USP13: variants seen among roughly 807,000 people sequenced by gnomAD.
USP13 encodes ubiquitin carboxyl-terminal hydrolase 13.
USP13 carries 68 observed loss-of-function variants against 107.8 expected under a neutral mutation model. The ratio of observed to expected loss-of-function variants is 0.63; its 90% CI spans 0.52 to 0.77. The LOEUF (loss-of-function observed/expected upper bound fraction) is 0.77. USP13 is among the 30% of genes least tolerant of loss of function. USP13 has a pLI of 0.00. For synonymous variants in USP13, 377 were observed against 389.5 expected (o/e 0.97, Z 0.38); for missense variants, 945 against 1,093.3 (o/e 0.86, Z 1.91).
At chr3:179,718,849 T>C (rs9867929) in intron 6 of USP13, among the ~76,000 whole-genome samples, 5,344 of 152,104 alleles carry the variant, frequency 0.035, 338 homozygotes, top group African/African-American at 0.12. Context: ...CTTCGCCTCC[T>C]GGGTTCACGC....
chr3:179,763,003 G>C (rs117606199), intron 17 of USP13, among the ~76,000 whole-genome samples: 1 of 152,056 alleles, frequency 6.6e-6, no homozygotes, highest in African/African-American at 2.4e-5. Flanking sequence ...ACAACTTTTC[G>C]TATGTTTATT....
At chr3:179,679,703 T>G (rs1311775717) in intron 1 of USP13, among the ~76,000 whole-genome samples, 1 of 152,084 alleles carries the variant, frequency 6.6e-6, no homozygotes. Flanking sequence ...TATTATGTGC[T>G]TTGAAATGTG....
chr3:179,674,465 A>T (rs1720836201), intron 1 of USP13, among the ~76,000 whole-genome samples: 2 of 152,148 alleles, frequency 1.3e-5, no homozygotes, highest in Non-Finnish European at 2.9e-5. Context: ...ACCAAGCAAG[A>T]CTCATTACAC....
intron 1 of USP13, among the ~76,000 whole-genome samples, chr3:179,668,958 T>A (rs1720664437): frequency 6.6e-6 from 1 of 152,218 alleles, no homozygotes; most frequent in South Asian, 2.1e-4. Flanking sequence ...ATTGGAACAC[T>A]CATGTCTTTC....
chr3:179,690,383 A>G, intron 3 of USP13, 82 bp downstream of exon 3: 6 of 1,270,846 alleles, frequency 4.7e-6, no homozygotes, highest in Non-Finnish European at 6.7e-6. Flanking sequence ...TTTGATTTAG[A>G]GTAATAGGTT....
chr3:179,719,526 C>G (rs1460526217), intron 6 of USP13, among the ~76,000 whole-genome samples: 7 of 152,158 alleles, frequency 4.6e-5, no homozygotes, highest in Non-Finnish European at 8.8e-5. Flanking sequence ...TCTGTTCCCC[C>G]GGAGGTCCCC....
chr3:179,736,989 A>G (rs1311717491), intron 10 of USP13, among the ~76,000 whole-genome samples: 1 of 152,262 alleles, frequency 6.6e-6, no homozygotes, highest in Non-Finnish European at 1.5e-5. Flanking sequence ...ACAGAAATGC[A>G]CAAATGCCAA....
At chr3:179,672,578 G>T (rs760646854) in intron 1 of USP13, among the ~76,000 whole-genome samples, 4 of 152,072 alleles carry the variant, frequency 2.6e-5, no homozygotes, top group Non-Finnish European at 4.4e-5. Context: ...GACTACAGGT[G>T]TGTACCACTA....
At chr3:179,682,121 T>A in intron 2 of USP13, 118 bp downstream of exon 2, 1 of 1,353,904 alleles carries the variant, frequency 7.4e-7, no homozygotes, top group Admixed American at 2.4e-5. Flanking sequence ...CCTTTGACGA[T>A]GAGAAACAAA....
intron 6 of USP13, among the ~76,000 whole-genome samples, chr3:179,714,870 C>CTT (rs34976120): frequency 0.23 from 31,469 of 137,238 alleles, 4,003 homozygotes; most frequent in Admixed American, 0.3. Context: ...TTTCCTTTTT[C>CTT]TTTTTTTTTT....
intron 19 of USP13, among the ~76,000 whole-genome samples, chr3:179,768,742 G>T (rs1365639704): frequency 2.0e-5 from 3 of 152,182 alleles, no homozygotes; most frequent in Admixed American, 6.5e-5. Flanking sequence ...GGAGGTAATA[G>T]ACTTTGATAG....
intron 8 of USP13, among the ~76,000 whole-genome samples, chr3:179,729,484 T>A (rs968611863): frequency 3.0e-4 from 46 of 152,194 alleles, no homozygotes; most frequent in South Asian, 6.2e-4. Context: ...TTATTTATTT[T>A]TTTTTGAGAC....
At chr3:179,655,415 C>T (rs1018005385) in intron 1 of USP13, among the ~76,000 whole-genome samples, 1 of 152,092 alleles carries the variant, frequency 6.6e-6, no homozygotes, top group African/African-American at 2.4e-5. Context: ...AATCATATCA[C>T]AGCAGTTCCT....
intron 16 of USP13, among the ~76,000 whole-genome samples, chr3:179,758,559 C>T (rs1220822245): frequency 1.3e-5 from 2 of 151,238 alleles, no homozygotes; most frequent in East Asian, 1.9e-4. Context: ...AGTGCAGTGG[C>T]GCGATCTCGG....
chr3:179,726,861 G>A (rs1275287481), intron 8 of USP13, among the ~76,000 whole-genome samples: 1 of 151,420 alleles, frequency 6.6e-6, no homozygotes, highest in Non-Finnish European at 1.5e-5. Context: ...ATTTTTTTTT[G>A]TAGAGATAGG....
chr3:179,658,581 G>A (rs1025138967), intron 1 of USP13, among the ~76,000 whole-genome samples: 2 of 152,220 alleles, frequency 1.3e-5, no homozygotes, highest in Non-Finnish European at 2.9e-5. Context: ...CAAGAGAATA[G>A]TGACAAAGAG....
chr3:179,752,423 A>G, intron 14 of USP13, 50 bp downstream of exon 14: 1 of 1,396,976 alleles, frequency 7.2e-7, no homozygotes, highest in Non-Finnish European at 1.0e-6. Flanking sequence ...GAGCCATTTA[A>G]ACAACATGGC....
chr3:179,734,344 T>C (rs1172729959), intron 10 of USP13, among the ~76,000 whole-genome samples: 1 of 152,246 alleles, frequency 6.6e-6, no homozygotes, highest in African/African-American at 2.4e-5. Context: ...TCTCTATCTT[T>C]ATGCATTCTA....
intron 6 of USP13, among the ~76,000 whole-genome samples, chr3:179,709,279 G>C (rs142085779): frequency 1.0e-3 from 158 of 152,278 alleles, no homozygotes; most frequent in Non-Finnish European, 1.9e-3. Context: ...GTATCTCTTG[G>C]CTAAGGAGGA....
Sources: gnomAD v4.1 joint callset for allele counts (sites outside exome capture counted in the v4.1 genomes callset) on GRCh38, gnomAD v4.1.1 for gene constraint, MANE v1.5 for transcripts, NCBI Gene and HGNC (gene_info 2026-07-23, HGNC 2026-07-21) for gene names.